Variants in CNTNAP2 observed in about 807,000 individuals in gnomAD.
CNTNAP2 encodes the protein contactin-associated protein-like 2.
A neutral mutation model predicts 155.2 loss-of-function variants in CNTNAP2; 98 were observed. That is an observed-to-expected ratio of 0.63 (90% CI 0.54 to 0.75). The LOEUF (loss-of-function observed/expected upper bound fraction) is 0.75, where lower values mean the gene tolerates loss of function less well. CNTNAP2 is among the 30% of genes least tolerant of loss of function. The pLI, the probability that CNTNAP2 is intolerant of heterozygous loss-of-function variation, is 0.00. For missense variants in CNTNAP2, 1,727 were observed against 1,688.1 expected, an observed-to-expected ratio of 1.02 and a Z score of -0.40; for synonymous variants, 651 against 631.2, an observed-to-expected ratio of 1.03 and a Z score of -0.47.
chr7:146,871,898 T>C (rs1385077334), intron 3 of CNTNAP2, among the ~76,000 whole-genome samples: 2 of 152,116 alleles, frequency 1.3e-5, no homozygotes, highest in Non-Finnish European at 2.9e-5. Flanking sequence ...CTCTTTTGTT[T>C]TACAACTTGA....
At chr7:146,125,657 T>TA (rs1242373406) in intron 1 of CNTNAP2, among the ~76,000 whole-genome samples, 4 of 147,354 alleles carry the variant, frequency 2.7e-5, no homozygotes, top group East Asian at 4.0e-4. Context: ...GTGTCAGAGA[T>TA]AAAAATGTGC....
At chr7:146,287,658 T>C (rs902356938) in intron 1 of CNTNAP2, among the ~76,000 whole-genome samples, 10 of 152,152 alleles carry the variant, frequency 6.6e-5, no homozygotes, top group Non-Finnish European at 1.3e-4. Context: ...TATGCTTACA[T>C]ACACAGATAC....
At chr7:147,831,261 A>G (rs902699378) in intron 13 of CNTNAP2, among the ~76,000 whole-genome samples, 1 of 152,228 alleles carries the variant, frequency 6.6e-6, no homozygotes, top group African/African-American at 2.4e-5. Flanking sequence ...AGGAAAAACC[A>G]TATTTTAATA....
intron 13 of CNTNAP2, among the ~76,000 whole-genome samples, chr7:147,881,891 G>T (rs2116717031): frequency 6.6e-6 from 1 of 152,198 alleles, no homozygotes; most frequent in East Asian, 1.9e-4. Context: ...AGCATCGCTT[G>T]AACCTGGGAA....
intron 15 of CNTNAP2, among the ~76,000 whole-genome samples, chr7:148,108,687 G>A (rs1418197964): frequency 2.6e-5 from 4 of 152,180 alleles, no homozygotes; most frequent in Non-Finnish European, 5.9e-5. Context: ...TGGGTACAGA[G>A]GCTGGAAGGT....
At chr7:146,722,711 A>AATATATAT (rs150174989) in intron 1 of CNTNAP2, among the ~76,000 whole-genome samples, 4 of 149,096 alleles carry the variant, frequency 2.7e-5, no homozygotes, top group African/African-American at 9.8e-5. Flanking sequence ...ACACACACAA[A>AATATATAT]ATATATATAT....
chr7:148,353,126 C>G (rs1798456448), intron 21 of CNTNAP2, among the ~76,000 whole-genome samples: 1 of 152,210 alleles, frequency 6.6e-6, no homozygotes, highest in Non-Finnish European at 1.5e-5. Context: ...GCAGCCTGCT[C>G]CAAGGTCAAC....
At chr7:146,851,354 G>A (rs1300571979) in intron 3 of CNTNAP2, among the ~76,000 whole-genome samples, 1 of 152,294 alleles carries the variant, frequency 6.6e-6, no homozygotes, top group East Asian at 1.9e-4. Flanking sequence ...TTAAAAGTTA[G>A]AAGATCTTGG....
chr7:148,004,759 C>T (rs1334192802), intron 15 of CNTNAP2, among the ~76,000 whole-genome samples: 2 of 152,298 alleles, frequency 1.3e-5, no homozygotes, highest in South Asian at 2.1e-4. Context: ...CTCTTAACCT[C>T]ATTATTATAG....
intron 13 of CNTNAP2, among the ~76,000 whole-genome samples, chr7:147,881,362 G>A (rs984457426): frequency 1.3e-5 from 2 of 152,188 alleles, no homozygotes; most frequent in African/African-American, 4.8e-5. Context: ...CCAAAGGTGT[G>A]TATTGTAGTC....
chr7:146,840,075 T>G (rs2129200622), intron 3 of CNTNAP2, among the ~76,000 whole-genome samples, 171 bp downstream of exon 3: 1 of 152,340 alleles, frequency 6.6e-6, no homozygotes, highest in African/African-American at 2.4e-5. Flanking sequence ...GTAATTTCTA[T>G]CCAATGGTTA....
At chr7:147,711,241 T>C (rs1796396616) in intron 13 of CNTNAP2, among the ~76,000 whole-genome samples, 2 of 152,146 alleles carry the variant, frequency 1.3e-5, no homozygotes, top group African/African-American at 2.4e-5. Flanking sequence ...ATGAATATAT[T>C]CTCCGGAGTC....
chr7:148,409,353 T>C (rs773623237), intron 22 of CNTNAP2, 38 bp from the exon 23 acceptor site: 1 of 1,469,242 alleles, frequency 6.8e-7, no homozygotes, highest in Non-Finnish European at 9.5e-7. Context: ...ATCAATAGTA[T>C]ACTTGACTCT....
intron 3 of CNTNAP2, among the ~76,000 whole-genome samples, chr7:146,879,037 G>T (rs1224725059): frequency 6.6e-6 from 1 of 152,150 alleles, no homozygotes; most frequent in African/African-American, 2.4e-5. Flanking sequence ...TTCAAACCAA[G>T]AAACACTCCA....
intron 1 of CNTNAP2, among the ~76,000 whole-genome samples, chr7:146,236,959 G>T (rs1217768999): frequency 1.3e-5 from 2 of 152,154 alleles, no homozygotes; most frequent in African/African-American, 4.8e-5. Context: ...AAGAGCTCAA[G>T]ATAGCATTTG....
chr7:148,269,580 A>G (rs182382327), intron 21 of CNTNAP2, among the ~76,000 whole-genome samples: 230 of 152,360 alleles, frequency 1.5e-3, no homozygotes, highest in Middle Eastern at 6.8e-3. Flanking sequence ...GGTCAATTTG[A>G]CAAAAGTTAC....
intron 11 of CNTNAP2, among the ~76,000 whole-genome samples, chr7:147,539,665 G>A (rs17170584): frequency 0.2 from 29,925 of 152,084 alleles, 3,163 homozygotes; most frequent in Admixed American, 0.29. Context: ...ACTCCCAGGT[G>A]TAATCAAGTA....
At chr7:147,632,927 G>A (rs1327639775) in intron 12 of CNTNAP2, among the ~76,000 whole-genome samples, 1 of 152,170 alleles carries the variant, frequency 6.6e-6, no homozygotes, top group African/African-American at 2.4e-5. Flanking sequence ...GAGACTGGTG[G>A]CATTTTGTCC....
intron 1 of CNTNAP2, among the ~76,000 whole-genome samples, chr7:146,421,419 G>C (rs1423777667): frequency 2.0e-5 from 3 of 151,926 alleles, no homozygotes; most frequent in Admixed American, 6.6e-5. Flanking sequence ...TGATTAGTTA[G>C]AATAATATTA....
Sources: gnomAD v4.1 joint callset for allele counts (sites outside exome capture counted in the v4.1 genomes callset) on GRCh38, gnomAD v4.1.1 for gene constraint, MANE v1.5 for transcripts, NCBI Gene and HGNC (gene_info 2026-07-23, HGNC 2026-07-21) for gene names.